The following ACAP1 variants were observed in gnomAD, a reference collection of about 807,000 sequenced individuals.
ACAP1 encodes the protein arf-GAP with coiled-coil, ANK repeat and PH domain-containing protein 1.
In ACAP1, 45 loss-of-function variants were observed where a neutral mutation model predicts 98.8. The ratio of observed to expected loss-of-function variants is 0.46; its 90% CI spans 0.36 to 0.58. The LOEUF is 0.58. Among genes scored for constraint, ACAP1 ranks in the 20% least tolerant of loss-of-function variants. The pLI, the probability that ACAP1 is intolerant of heterozygous loss-of-function variation, is 0.00. For synonymous variants in ACAP1, 362 were observed against 375.3 expected, an observed-to-expected ratio of 0.96 and a Z score of 0.41; for missense variants, 735 against 971.4, an observed-to-expected ratio of 0.76 and a Z score of 3.24.
At chr17:7,336,880 G>C in intron 1 of ACAP1, 93 bp downstream of exon 1, 2 of 1,426,680 alleles carry the variant, frequency 1.4e-6, no homozygotes, top group Non-Finnish European at 2.0e-6. Context: ...TCCTTCCAGG[G>C]AGCAGGCCTC....
At chr17:7,336,905 G>A in intron 1 of ACAP1, 118 bp downstream of exon 1, 11 of 1,116,276 alleles carry the variant, frequency 9.9e-6, no homozygotes, top group South Asian at 2.6e-5. Flanking sequence ...AGGCAGGAGC[G>A]AGCCTGTGGG....
At chr17:7,348,540 C>G (rs2073370402) in intron 17 of ACAP1, 65 bp downstream of exon 17, 24 of 1,427,828 alleles carry the variant, frequency 1.7e-5, no homozygotes, top group Non-Finnish European at 1.9e-5. Flanking sequence ...CAGGTAGCGC[C>G]GGGAGGCACA....
Position 7,350,156 on chromosome 17 carries a change from C to T in ACAP1, c.1991C>T (p.Ala664Val), listed in dbSNP as rs766536846. Residue 664 changes from alanine to valine, a missense_variant, in exon 20 of 22, where the codon GCT (alanine) becomes GTT (valine). Around this residue, in one of 5 missense-constraint regions of ACAP1, gnomAD observed 142 missense variants for 224.1 expected, o/e 0.63. Transcript: ENST00000158762. This position sits in a 1 kb window ranked among gnomAD's most constrained non-coding sequence, Gnocchi z 4.6. ...GLACLFLKRG[A>V]DLGARDSEGR... ...GCCTGCCTGTTCCTGAAACGGGGAG[C>T]TGATCTGGGGGCTCGAGACTCTGAA... 6.2e-7 allele frequency: 1 copy of T among 1,614,210 alleles called. No individual in the cohort carries two copies. Among genetic ancestry groups the T allele is most frequent in the Non-Finnish European group, 8.5e-7 (1 of 1,180,044 alleles).
chr17:7,338,197 C>T lies in ACAP1; in HGVS notation c.111+828C>T, dbSNP rs190473286. 2.0e-5 allele frequency among the ~76,000 whole-genome samples: 3 copies of T among 152,224 alleles called. No individual in the cohort carries two copies. In the East Asian group the frequency reaches 5.8e-4, roughly 29 times the overall value. On this transcript the variant is annotated intron_variant, in intron 2 of 21. Coordinates refer to ENST00000158762, the MANE Select transcript of ACAP1 (RefSeq NM_014716.4). ...AACAAATTGTCACAAATTTAGTGGG[C>T]AACATTGTTTTATGGGCAACATGGT...
intron 5 of ACAP1, 151 bp downstream of exon 5, chr17:7,342,625 C>T (rs1249466650): frequency 1.1e-6 from 1 of 884,844 alleles, no homozygotes; most frequent in African/African-American, 1.7e-5. Context: ...TTAGGCCGGG[C>T]ACGGTGGCTC....
At chr17:7,338,036 A>G (rs1057001261) in intron 2 of ACAP1, among the ~76,000 whole-genome samples, 2 of 152,122 alleles carry the variant, frequency 1.3e-5, no homozygotes, top group Non-Finnish European at 2.9e-5. Context: ...TGAGCACTCT[A>G]TCAAACAGCA....
chr17:7,351,314 C>T lies in ACAP1; in HGVS notation c.2142C>T (p.Asp714=). 1.2e-6 allele frequency: 2 copies of T among 1,613,640 alleles called. No individual in the cohort carries two copies. The highest frequency in any genetic ancestry group is 2.7e-5 in the African/African-American group (2 of 75,048). Residue 714 remains aspartate (D), a synonymous_variant, in exon 22 of 22, where the codon GAC becomes GAT. Coordinates refer to ENST00000158762, the MANE Select transcript of ACAP1 (RefSeq NM_014716.4). ...QGQAGDETYL[D]IFRDFSLMAS... ...CCCCAGGAGATGAGACGTATCTTGACATCTTCCGCGACTTCTCCCTCATGG... is the reference window on the plus strand; with the variant it reads ...CCCCAGGAGATGAGACGTATCTTGATATCTTCCGCGACTTCTCCCTCATGG...
At chr17:7,349,743 C>T (rs779104192) in intron 18 of ACAP1, 8 of 508,294 alleles carry the variant, frequency 1.6e-5, no homozygotes, top group Admixed American at 3.5e-5. Flanking sequence ...ACCTCAAAAG[C>T]TTGTACTATG....
intron 15 of ACAP1, 37 bp downstream of exon 15, chr17:7,348,028 T>C (rs1567631287): frequency 6.2e-7 from 1 of 1,612,840 alleles, no homozygotes; most frequent in South Asian, 1.1e-5. Context: ...GGGCAAGAAC[T>C]TGGGGTGGGG....
intron 2 of ACAP1, 36 bp from the exon 3 acceptor site, chr17:7,341,912 A>C (rs1442677377): frequency 2.5e-6 from 4 of 1,612,352 alleles, no homozygotes; most frequent in Non-Finnish European, 3.4e-6. Context: ...TGTGAGGATG[A>C]TGGCACAGCT....
chr17:7,347,766 G>A lies in ACAP1; in HGVS notation c.1344-156G>A, dbSNP rs1198143377. The A allele has an allele frequency of 4.7e-6, 3 of 636,350 alleles. No individual in the cohort carries two copies. In the African/African-American group the frequency reaches 5.5e-5, roughly 12 times the overall value. The allele number at this position is 636,350 out of a possible 1,614,324, so 39.4% of individuals were successfully genotyped here. On this transcript the variant is annotated intron_variant, in intron 14 of 21. Transcript: ENST00000158762. ...GCCAGGGCCAGGTCAAGGCTACATGGCGGTTACATGGCCGCAGCTGCCCTG... is the reference window on the plus strand; with the variant it reads ...GCCAGGGCCAGGTCAAGGCTACATGACGGTTACATGGCCGCAGCTGCCCTG...
At chr17:7,346,162 C>A in intron 10 of ACAP1, 82 bp from the exon 11 acceptor site, 1 of 1,339,648 alleles carries the variant, frequency 7.5e-7, no homozygotes, top group East Asian at 2.3e-5. Context: ...TCAGTAAGAT[C>A]CTCATGGGCA....
Position 7,347,072 on chromosome 17 carries a change from C to A in ACAP1, c.1173C>A (p.Gly391=). ...CCATAGGCTCTGCTGCCACCCTGGG[C>A]TCTGGTGGAATGGCCAGGGGAAGGG... ...HLAIGSAATL[G]SGGMARGREP... The change falls in exon 14 of 22, where the codon GGC becomes GGA. Residue 391 remains glycine, a synonymous_variant. Transcript: ENST00000158762. The A allele has an allele frequency of 3.7e-6, 6 of 1,610,236 alleles. No homozygotes were observed. The highest frequency in any genetic ancestry group is 5.1e-6 in the Non-Finnish European group (6 of 1,177,682).
At chr17:7,341,890 G>A in intron 2 of ACAP1, 58 bp from the exon 3 acceptor site, 1 of 1,604,134 alleles carries the variant, frequency 6.2e-7, no homozygotes, top group East Asian at 2.2e-5. Context: ...CAGGTGTGGG[G>A]GCATCACCAG....
At chr17:7,351,037 C>G (rs769507582) in intron 21 of ACAP1, 38 bp downstream of exon 21, 1 of 1,600,220 alleles carries the variant, frequency 6.2e-7, no homozygotes, top group African/African-American at 1.3e-5. Context: ...AGGCCCAACA[C>G]CTGAACTCTG....
At chr17:7,346,612 G>T (rs574790091) in intron 12 of ACAP1, 121 bp downstream of exon 12, 661 of 1,187,426 alleles carry the variant, frequency 5.6e-4, no homozygotes, top group Non-Finnish European at 6.4e-4. Flanking sequence ...ATTCTTTGGC[G>T]GCTGGACTGG....
chr17:7,343,965 C>A lies in ACAP1; in HGVS notation c.669+9C>A. The stretch of plus-strand genomic sequence containing the variant: ...AGGAGCTGGGCGCCCAGGTGGGGCC[C>A]CAGGGCACAGCAGGTGGTAGAGGGA... On this transcript the variant is annotated intron_variant, in intron 8 of 21. Transcript: ENST00000158762. This position sits in a 1 kb window ranked among gnomAD's most constrained non-coding sequence, Gnocchi z 4.9. 1.3e-6 allele frequency: 2 copies of A among 1,582,144 alleles called. No homozygotes were observed. The highest frequency in any genetic ancestry group is 1.7e-6 in the Non-Finnish European group (2 of 1,163,512).
rs565681475 is a variant in ACAP1, at chr17:7,350,314, G to T, written c.2072+77G>T. ...CCCACCCACGTTCGGGCGGGCGGGC[G>T]GGGCTGACGCCGAAACAGAAGCCTG... On this transcript the variant is annotated intron_variant, in intron 20 of 21. Coordinates refer to ENST00000158762, the MANE Select transcript of ACAP1 (RefSeq NM_014716.4). The surrounding 1 kb of genome is among the most constrained non-coding windows in gnomAD (Gnocchi z 4.6). 8.0e-4 allele frequency: 928 copies of T among 1,165,578 alleles called. No homozygotes were observed. The highest frequency in any genetic ancestry group is 1.1e-3 in the Non-Finnish European group (881 of 813,582). The allele number at this position is 1,165,578 out of a possible 1,614,324, so 72.2% of individuals were successfully genotyped here.
intron 18 of ACAP1, chr17:7,349,655 G>A (rs2073383315): frequency 5.5e-6 from 2 of 364,600 alleles, no homozygotes; most frequent in East Asian, 4.4e-5. Context: ...GATTACTGGC[G>A]TGAGCCACTG....
Sources: allele counts gnomAD v4.1 joint callset (sites outside exome capture counted in the v4.1 genomes callset), GRCh38; gene constraint gnomAD v4.1.1; regional missense constraint gnomAD v4.1.1; non-coding constraint Gnocchi (gnomAD v3.1); transcripts MANE v1.5; gene names NCBI Gene and HGNC (gene_info 2026-07-23, HGNC 2026-07-21).